PTPRQ: variants seen among roughly 807,000 people sequenced by gnomAD.
The protein encoded by PTPRQ is protein tyrosine phosphatase receptor type Q.
A neutral mutation model predicts 246.0 loss-of-function variants in PTPRQ; 199 were observed. The observed-to-expected ratio is 0.81, with a 90% CI of 0.72 to 0.91. The LOEUF is 0.91. Among genes scored for constraint, PTPRQ ranks in the 40% least tolerant of loss-of-function variants. The pLI is 0.00. For synonymous variants in PTPRQ, 869 were observed against 853.2 expected, an observed-to-expected ratio of 1.02 and a Z score of -0.32; for missense variants, 2,624 against 2,528.4, an observed-to-expected ratio of 1.04 and a Z score of -0.81.
At position 80,534,895 on chromosome 12, in the gene PTPRQ, C is replaced by A. The variant is rs866424868; in HGVS notation, c.2843C>A (p.Pro948Gln). The A allele has an allele frequency of 3.9e-6, 6 of 1,547,578 alleles. No individual in the cohort carries two copies. In the African/African-American group the frequency reaches 6.9e-5, roughly 18 times the overall value. The change falls in exon 19 of 45, where the codon CCA becomes CAA. Residue 948 changes from proline (P) to glutamine (Q), a missense_variant. Pro to Gln is a moderately conservative substitution (Grantham distance 76). Coordinates refer to ENST00000644991, the MANE Select transcript of PTPRQ (RefSeq NM_001145026.2). The part of the protein sequence containing the change: ...IISFQTPEGA[P>Q]SDPPKDVYYA... ...TGTTCAATTATTTGTTTTATAGCAC[C>A]AAGCGATCCTCCCAAAGATGTTTAT...
chr12:80,642,329 C>T (rs1289893231), intron 35 of PTPRQ, among the ~76,000 whole-genome samples: 2 of 152,162 alleles, frequency 1.3e-5, no homozygotes. Flanking sequence ...AGGGCCCCAT[C>T]CATCTCTTCA....
intron 43 of PTPRQ, among the ~76,000 whole-genome samples, chr12:80,677,837 A>G (rs1901195005): frequency 6.6e-6 from 1 of 152,190 alleles, no homozygotes; most frequent in Non-Finnish European, 1.5e-5. Flanking sequence ...ATTTGATGAT[A>G]TTCCTTTAAA....
chr12:80,511,226 T>A (rs1054725513), intron 17 of PTPRQ, among the ~76,000 whole-genome samples: 1 of 152,158 alleles, frequency 6.6e-6, no homozygotes, highest in East Asian at 1.9e-4. Flanking sequence ...TCTTCTTCTC[T>A]TTCCTAAGTT....
chr12:80,484,508 G>A lies in PTPRQ; in HGVS notation c.1262G>A (p.Arg421Gln), dbSNP rs1191001931. Residue 421 changes from arginine (R) to glutamine (Q), a missense_variant, in exon 9 of 45, where the codon CGA becomes CAA. Physicochemically the swap from Arg to Gln is conservative, Grantham distance 43 (BLOSUM62 1). Coordinates refer to ENST00000644991, the MANE Select transcript of PTPRQ (RefSeq NM_001145026.2). ...GTAAGAATTACTTGGAAGAAACCAC[G>A]ACAACCAAATGGAATTATTAACCAA... is the stretch of plus-strand genomic sequence containing the variant. ...TQVRITWKKP[R>Q]QPNGIINQYR... 2.0e-5 allele frequency: 31 copies of A among 1,550,900 alleles called. No homozygotes were observed. The highest frequency in any genetic ancestry group is 6.0e-5 in the South Asian group (5 of 84,000).
At chr12:80,566,031 C>T (rs1896968279) in intron 25 of PTPRQ, among the ~76,000 whole-genome samples, 1 of 152,182 alleles carries the variant, frequency 6.6e-6, no homozygotes, top group African/African-American at 2.4e-5. Context: ...CTACTCACTA[C>T]AACCTTGAAT....
At position 80,619,421 on chromosome 12, in the gene PTPRQ, T is replaced by A. The variant is rs1314697284; in HGVS notation, c.5268T>A (p.Tyr1756Ter). 6.5e-7 allele frequency: 1 copy of A among 1,548,116 alleles called. No individual in the cohort carries two copies. The highest frequency in any genetic ancestry group is 2.0e-5 in the Admixed American group (1 of 50,806). ...ARPKTKPTPI[Y>*]DATGKLLVTS... ...CAAAAACCAAACCAACCCCTATTTATGATGCCACAGGAAAACTGCTTGTGA... is the reference window on the plus strand; with the variant it reads ...CAAAAACCAAACCAACCCCTATTTAAGATGCCACAGGAAAACTGCTTGTGA... The change falls in exon 31 of 45, where the codon TAT (tyrosine) becomes TAA (stop). Residue 1756 changes from tyrosine (Y) to a stop codon, truncating the protein, a stop_gained. Transcript: ENST00000644991. LOFTEE classifies it high-confidence loss of function.
At chr12:80,634,496 C>T (rs1899564530) in intron 34 of PTPRQ, among the ~76,000 whole-genome samples, 2 of 152,064 alleles carry the variant, frequency 1.3e-5, no homozygotes. Context: ...TATTTTCATG[C>T]ATGTAAAAAT....
At chr12:80,564,838 G>A (rs1896931555) in intron 25 of PTPRQ, among the ~76,000 whole-genome samples, 1 of 152,048 alleles carries the variant, frequency 6.6e-6, no homozygotes, top group African/African-American at 2.4e-5. Flanking sequence ...TGGAATTACA[G>A]GAGTTTTCTT....
chr12:80,659,143 A>G (rs1456832440), intron 39 of PTPRQ, among the ~76,000 whole-genome samples: 1 of 152,060 alleles, frequency 6.6e-6, no homozygotes, highest in Non-Finnish European at 1.5e-5. Context: ...AAGCTAAGGT[A>G]TTCTTTAAAT....
intron 39 of PTPRQ, among the ~76,000 whole-genome samples, chr12:80,667,345 G>A (rs1204601273): frequency 6.6e-6 from 1 of 151,854 alleles, no homozygotes; most frequent in Non-Finnish European, 1.5e-5. Context: ...ACTATGATAA[G>A]TGAAATAAGC....
chr12:80,556,951 GT>G (rs1896663241), intron 25 of PTPRQ, among the ~76,000 whole-genome samples: 1 of 152,286 alleles, frequency 6.6e-6, no homozygotes, highest in East Asian at 1.9e-4. Context: ...TCTGCTCTTA[GT>G]TTGATGTGAC....
chr12:80,568,936 CT>C (rs922808559), intron 25 of PTPRQ, among the ~76,000 whole-genome samples: 1 of 152,104 alleles, frequency 6.6e-6, no homozygotes, highest in African/African-American at 2.4e-5. Context: ...CAAATTCAAA[CT>C]CTGTTTTGAG....
At chr12:80,467,518 A>T (rs1014748590) in intron 6 of PTPRQ, among the ~76,000 whole-genome samples, 4 of 152,210 alleles carry the variant, frequency 2.6e-5, no homozygotes, top group African/African-American at 2.4e-5. Flanking sequence ...TATATACCCA[A>T]AGGACTATAA....
At chr12:80,540,169 T>C (rs1195867340) in intron 20 of PTPRQ, among the ~76,000 whole-genome samples, 1 of 152,084 alleles carries the variant, frequency 6.6e-6, no homozygotes, top group African/African-American at 2.4e-5. Flanking sequence ...TTCTTTTTAT[T>C]GCTTCAAAAG....
chr12:80,640,155 G>T (rs73351576), intron 35 of PTPRQ, among the ~76,000 whole-genome samples: 13,026 of 151,908 alleles, frequency 0.086, 744 homozygotes, highest in South Asian at 0.19. Context: ...CATTTTCTAT[G>T]ATGAGAATGA....
intron 27 of PTPRQ, 37 bp downstream of exon 27, chr12:80,605,217 A>G: frequency 4.6e-6 from 7 of 1,529,950 alleles, no homozygotes; most frequent in Non-Finnish European, 6.2e-6. Context: ...AGCCAGTATA[A>G]AATGGTTAAT....
At chr12:80,634,144 G>T (rs1163309861) in intron 34 of PTPRQ, among the ~76,000 whole-genome samples, 1 of 151,942 alleles carries the variant, frequency 6.6e-6, no homozygotes, top group Non-Finnish European at 1.5e-5. Context: ...CTCTTTTCAT[G>T]TTTTTTCTGC....
intron 6 of PTPRQ, among the ~76,000 whole-genome samples, chr12:80,465,745 A>G (rs1893378632): frequency 6.6e-6 from 1 of 152,112 alleles, no homozygotes; most frequent in South Asian, 2.1e-4. Flanking sequence ...ACAGAACCAA[A>G]GACAAAAACC....
At chr12:80,477,963 G>C (rs184886273) in intron 8 of PTPRQ, among the ~76,000 whole-genome samples, 4 of 152,364 alleles carry the variant, frequency 2.6e-5, no homozygotes, top group East Asian at 3.9e-4. Flanking sequence ...AGGGGCGCCC[G>C]CCATTGCCCA....
Sources: gnomAD v4.1 joint callset for allele counts (sites outside exome capture counted in the v4.1 genomes callset) on GRCh38, gnomAD v4.1.1 for gene constraint, MANE v1.5 for transcripts, NCBI Gene and HGNC (gene_info 2026-07-23, HGNC 2026-07-21) for gene names.